ABCA4: variants seen among roughly 807,000 people sequenced by gnomAD.
ABCA4 encodes retinal-specific phospholipid-transporting ATPase ABCA4.
ABCA4 carries 196 observed loss-of-function variants against 263.7 expected under a neutral mutation model. That is an observed-to-expected ratio of 0.74 (90% confidence interval 0.66 to 0.84). The LOEUF (loss-of-function observed/expected upper bound fraction) is 0.84, where lower values mean the gene tolerates loss of function less well. Ranked by LOEUF, ABCA4 falls within the 40% of genes least tolerant of loss-of-function variation. The pLI is 0.00. For missense variants in ABCA4, 2,792 were observed against 2,855.1 expected, an observed-to-expected ratio of 0.98 and a Z score of 0.50; for synonymous variants, 1,133 against 1,094.2, an observed-to-expected ratio of 1.04 and a Z score of -0.70.
At chr1:93,998,951 A>G (rs958173644) in intron 47 of ABCA4, among the ~76,000 whole-genome samples, 9 of 140,492 alleles carry the variant, frequency 6.4e-5, no homozygotes, top group Non-Finnish European at 1.4e-4. Flanking sequence ...GGGTTTCACT[A>G]TGTTGGCCAG....
chr1:94,046,948 G>A lies in ABCA4; in HGVS notation c.2889C>T (p.Gly963=), dbSNP rs1660700628. The A allele has an allele frequency of 5.6e-6, 9 of 1,614,152 alleles. No homozygotes were observed. In the East Asian group the frequency reaches 1.8e-4, roughly 32 times the overall value. Residue 963 remains glycine (G), a synonymous_variant, in exon 19 of 50, where the codon GGC becomes GGT. Coordinates refer to ENST00000370225, the MANE Select transcript of ABCA4 (RefSeq NM_000350.3). ...FYENQITAFL[G]HNGAGKTTTL... is the part of the protein sequence containing the mutation. ...TGGTGGTTTTCCCAGCTCCATTGTG[G>A]CCCAGGAATGCGGTGATCTGGTTCT...
At chr1:94,069,493 G>C (rs146034294) in intron 11 of ABCA4, among the ~76,000 whole-genome samples, 1 of 152,150 alleles carries the variant, frequency 6.6e-6, no homozygotes, top group African/African-American at 2.4e-5. Flanking sequence ...GTATAATCCC[G>C]CCTCTCACAT....
At chr1:94,019,372 C>T in intron 36 of ABCA4, 2 of 592,726 alleles carry the variant, frequency 3.4e-6, no homozygotes, top group Non-Finnish European at 2.9e-6. Context: ...AAGCTGCACC[C>T]CACAGCCTTT....
intron 31 of ABCA4, among the ~76,000 whole-genome samples, chr1:94,024,221 C>G (rs1659976184): frequency 1.3e-5 from 2 of 152,124 alleles, no homozygotes; most frequent in Non-Finnish European, 1.5e-5. Context: ...TATCTTAAAG[C>G]CCCAGAGCCT....
chr1:94,056,829 C>T lies in ABCA4; in HGVS notation c.2161-7G>A. 4 of 1,589,604 alleles carry T rather than the reference C, an allele frequency of 2.5e-6. No individual in the cohort carries two copies. The highest frequency in any genetic ancestry group is 1.3e-5 in the African/African-American group (1 of 74,310). On this transcript the variant is annotated splice_polypyrimidine_tract_variant and splice_region_variant and intron_variant, in intron 14 of 49. Transcript: ENST00000370225. ...AATGTAGGATTCTTCCATGCTGAAACCAAGAGGCCATGCGTCAGTAACTCC... is the reference window on the plus strand; with the variant it reads ...AATGTAGGATTCTTCCATGCTGAAATCAAGAGGCCATGCGTCAGTAACTCC...
intron 1 of ABCA4, among the ~76,000 whole-genome samples, chr1:94,119,017 G>A (rs978266120): frequency 2.6e-5 from 4 of 152,200 alleles, no homozygotes; most frequent in Admixed American, 2.6e-4. Context: ...GAGAACAATG[G>A]CATATTGGAT....
intron 45 of ABCA4, 115 bp downstream of exon 45, chr1:94,001,743 A>G (rs1226261174): frequency 6.7e-7 from 1 of 1,485,152 alleles, no homozygotes; most frequent in Non-Finnish European, 9.3e-7. Context: ...GAAACAGTCC[A>G]GACTAAAGCC....
At chr1:94,021,161 T>C (rs1659884422) in intron 35 of ABCA4, 79 bp downstream of exon 35, 1 of 1,594,558 alleles carries the variant, frequency 6.3e-7, no homozygotes, top group African/African-American at 1.3e-5. Context: ...CACTTCGCGG[T>C]GGTGAGAATC....
In ABCA4 at chr1:94,015,762, A is replaced by C; in HGVS notation, c.5289T>G (p.Leu1763=). ...ACCCATACAGCAGGAGCAGTGCCAC[A>C]AGGGCAGGAAGGTTTTCTGGAGAAG... ...AYTSPENLPA[L]VALLLLYGWA... The change falls in exon 37 of 50, where the codon CTT becomes CTG. Residue 1763 remains leucine, a synonymous_variant. Coordinates refer to ENST00000370225, the MANE Select transcript of ABCA4 (RefSeq NM_000350.3). 2.5e-6 allele frequency: 4 copies of C among 1,613,788 alleles called. No homozygotes were observed. The highest frequency in any genetic ancestry group is 3.4e-6 in the Non-Finnish European group (4 of 1,179,892).
At chr1:94,095,527 G>A (rs1662100595) in intron 6 of ABCA4, among the ~76,000 whole-genome samples, 1 of 152,168 alleles carries the variant, frequency 6.6e-6, no homozygotes, top group Non-Finnish European at 1.5e-5. Context: ...AGCTAAGCAT[G>A]GCTGCGCGCC....
rs142506651 is a variant in ABCA4 at position 94,030,438 on chromosome 1, C to T, written c.4342G>A (p.Gly1448Arg). 1.2e-4 allele frequency: 189 copies of T among 1,614,248 alleles called. No individual in the cohort carries two copies. The African/African-American group carries it at 2.4e-3, about 20-fold the overall frequency. Residue 1448 changes from glycine to arginine, a missense_variant, in exon 29 of 50, where the codon GGG (glycine) becomes AGG (arginine). Gly to Arg is a moderately radical substitution (Grantham distance 125, BLOSUM62 -2). Coordinates refer to ENST00000370225, the MANE Select transcript of ABCA4 (RefSeq NM_000350.3). ...CGCGTAGGCACTTACGGAAGCCACC[C>T]TTCCTTCAGGCAGCGGTTGCCAAAG... is the stretch of plus-strand genomic sequence containing the variant. ...PGFGNRCLKE[G>R]WLPEYPCGNS...
intron 16 of ABCA4, among the ~76,000 whole-genome samples, chr1:94,052,862 G>A (rs891652449): frequency 6.6e-6 from 1 of 152,134 alleles, no homozygotes; most frequent in Non-Finnish European, 1.5e-5. Context: ...TTCATAATAA[G>A]CCCCTTCCTC....
chr1:94,087,667 C>A (rs563349899), intron 6 of ABCA4, among the ~76,000 whole-genome samples: 4 of 152,318 alleles, frequency 2.6e-5, no homozygotes, highest in African/African-American at 9.6e-5. Flanking sequence ...ACCTGTGGTG[C>A]TCCAAACCCC....
At chr1:94,011,040 C>G in intron 39 of ABCA4, 111 bp from the exon 40 acceptor site, 1 of 1,590,952 alleles carries the variant, frequency 6.3e-7, no homozygotes, top group South Asian at 1.1e-5. Context: ...TGAGCAAGAG[C>G]CAAACACCCG....
At chr1:94,048,487 C>T (rs1339522077) in intron 18 of ABCA4, among the ~76,000 whole-genome samples, 6 of 152,164 alleles carry the variant, frequency 3.9e-5, no homozygotes, top group Non-Finnish European at 8.8e-5. Flanking sequence ...CCCCTGGACA[C>T]AGAAGCATTT....
intron 11 of ABCA4, among the ~76,000 whole-genome samples, chr1:94,075,233 T>A (rs148460856): frequency 6.6e-6 from 1 of 152,052 alleles, no homozygotes; most frequent in Non-Finnish European, 1.5e-5. Flanking sequence ...AAAACCTAGA[T>A]GATGGGTTGA....
chr1:94,098,565 A>G (rs1662194190), intron 6 of ABCA4, among the ~76,000 whole-genome samples: 1 of 152,154 alleles, frequency 6.6e-6, no homozygotes, highest in Non-Finnish European at 1.5e-5. Context: ...AGTGGACACA[A>G]ACATGCCACA....
chr1:94,024,178 C>G (rs1659975338), intron 31 of ABCA4, among the ~76,000 whole-genome samples: 1 of 152,166 alleles, frequency 6.6e-6, no homozygotes, highest in African/African-American at 2.4e-5. Context: ...GGTGAAGCAA[C>G]AGAAAGTCCT....
At chr1:94,028,286 A>G (rs1435825230) in intron 30 of ABCA4, among the ~76,000 whole-genome samples, 1 of 152,186 alleles carries the variant, frequency 6.6e-6, no homozygotes, top group Non-Finnish European at 1.5e-5. Flanking sequence ...TGGGAGGCCC[A>G]TTATCAACCA....
Sources: allele counts gnomAD v4.1 joint callset (sites outside exome capture counted in the v4.1 genomes callset), GRCh38; gene constraint gnomAD v4.1.1; transcripts MANE v1.5; gene names NCBI Gene and HGNC (gene_info 2026-07-23, HGNC 2026-07-21).